The following DST variants were observed in gnomAD, a reference collection of about 807,000 sequenced individuals.
DST encodes bullous pemphigoid antigen.
Under a neutral mutation model 875.2 loss-of-function variants are expected in DST, and 253 were observed. The ratio of observed to expected loss-of-function variants is 0.29; its 90% CI spans 0.26 to 0.32. DST has a LOEUF of 0.32. Among genes scored for constraint, DST ranks in the 10% least tolerant of loss-of-function variants. The pLI is 1.00. For missense variants in DST, 8,287 were observed against 9,111.6 expected, an observed-to-expected ratio of 0.91 and a Z score of 3.68; for synonymous variants, 3,124 against 3,197.1, an observed-to-expected ratio of 0.98 and a Z score of 0.77.
At chr6:56,715,149 C>G (rs912386080) in intron 5 of DST, among the ~76,000 whole-genome samples, 1 of 152,136 alleles carries the variant, frequency 6.6e-6, no homozygotes, top group East Asian at 1.9e-4. Flanking sequence ...CTCTTGAATG[C>G]CTGCCGGATC....
chr6:56,821,776 G>C (rs2153047635), intron 4 of DST, among the ~76,000 whole-genome samples: 1 of 152,266 alleles, frequency 6.6e-6, no homozygotes, highest in East Asian at 1.9e-4. Context: ...GGAAAATATA[G>C]AAATCTGACC....
At chr6:56,807,715 A>G (rs1406723960) in intron 4 of DST, among the ~76,000 whole-genome samples, 1 of 152,228 alleles carries the variant, frequency 6.6e-6, no homozygotes, top group Non-Finnish European at 1.5e-5. Flanking sequence ...AGCATCATAC[A>G]CAAAAGTTAA....
In DST at chr6:56,561,535, T is replaced by C; in HGVS notation, c.14083A>G (p.Lys4695Glu). 6.2e-7 allele frequency: 1 copy of C among 1,612,852 alleles called. No individual in the cohort carries two copies. The highest frequency in any genetic ancestry group is 8.5e-7 in the Non-Finnish European group (1 of 1,179,314). Residue 4695 changes from lysine to glutamate, a missense_variant, in exon 57 of 104, where the codon AAA becomes GAA. Lys to Glu is a moderately conservative substitution (Grantham distance 56). This residue lies in a region of DST where 1,513 missense variants were observed against 1,677.8 expected (regional missense o/e 0.90). Transcript: ENST00000680361. Reference sequence around the variant, plus strand: ...TGACTTATGTCAGTCATGTCCTTTTTAATGGATGTTAAACCTAGGAGTAAG... The same window carrying C: ...TGACTTATGTCAGTCATGTCCTTTTCAATGGATGTTAAACCTAGGAGTAAG... ...FWANKGLTSIKKDMTDISHGY... is the reference protein window; with the variant it reads ...FWANKGLTSIEKDMTDISHGY...
intron 4 of DST, among the ~76,000 whole-genome samples, chr6:56,769,429 A>G (rs572021623): frequency 2.5e-4 from 38 of 152,340 alleles, no homozygotes; most frequent in African/African-American, 6.5e-4. Context: ...TTACACTTCA[A>G]GGCATTAACC....
chr6:56,632,755 T>G (rs1587259231), intron 28 of DST, 99 bp downstream of exon 28: 5 of 928,178 alleles, frequency 5.4e-6, no homozygotes. Flanking sequence ...ATAGGCTGGG[T>G]GATACAATAT....
rs555704557 is a variant in DST at position 56,554,073 on chromosome 6, C to CTTTTT, written c.15137-423_15137-419dup. On this transcript the variant is annotated intron_variant, in intron 60 of 103. Coordinates refer to ENST00000680361, the MANE Select transcript of DST (RefSeq NM_001374736.1). ...AAATATGACTTTTTCGCGTCTATGA[C>CTTTTT]TTTTTTTTTTTTTTTTTTTTTTTTT... Among the ~76,000 whole-genome samples, 26 of 80,822 alleles carry CTTTTT rather than the reference C, an allele frequency of 3.2e-4. 3 individuals carry two copies. Among genetic ancestry groups the CTTTTT allele is most frequent in the Non-Finnish European group, 4.8e-4 (20 of 41,420 alleles). The allele number at this position is 80,822 out of a possible 152,430, so 53.0% of individuals were successfully genotyped here. A position where few individuals can be genotyped will look rare whatever the true frequency, so the allele number is the denominator to read the frequency against.
intron 37 of DST, among the ~76,000 whole-genome samples, chr6:56,612,904 T>C (rs976040566): frequency 1.3e-5 from 2 of 152,054 alleles, no homozygotes; most frequent in African/African-American, 4.8e-5. Context: ...GTGGCATGTG[T>C]CTGCAGTCCA....
chr6:56,768,428 C>A (rs2099639968), intron 4 of DST, among the ~76,000 whole-genome samples: 1 of 152,100 alleles, frequency 6.6e-6, no homozygotes. Context: ...AAAGAAAAAG[C>A]AATTCAACAG....
intron 9 of DST, among the ~76,000 whole-genome samples, chr6:56,671,708 C>G (rs1350562978): frequency 6.6e-6 from 1 of 152,168 alleles, no homozygotes; most frequent in Non-Finnish European, 1.5e-5. Context: ...ACACCACCAA[C>G]AACTGTTCCC....
chr6:56,903,620 C>T (rs150666053), intron 2 of DST, among the ~76,000 whole-genome samples: 2,884 of 152,108 alleles, frequency 0.019, 93 homozygotes, highest in African/African-American at 0.065. Flanking sequence ...CCACCATGCC[C>T]GGCTAATTTT....
chr6:56,892,732 T>C (rs1042645614), intron 3 of DST, among the ~76,000 whole-genome samples: 6 of 152,258 alleles, frequency 3.9e-5, no homozygotes, highest in Non-Finnish European at 7.3e-5. Context: ...TCTGAATTCC[T>C]ATAATGCTTA....
intron 4 of DST, chr6:56,843,151 A>G: frequency 3.2e-6 from 5 of 1,561,940 alleles, no homozygotes; most frequent in South Asian, 1.2e-5. Context: ...GCCATGCCGA[A>G]GTTTATCTAA....
intron 77 of DST, among the ~76,000 whole-genome samples, chr6:56,505,208 C>G (rs1375964371): frequency 3.3e-5 from 5 of 152,158 alleles, no homozygotes; most frequent in Non-Finnish European, 7.4e-5. Flanking sequence ...ATAAATCAAT[C>G]TGCCCTTTGC....
Position 56,615,089 on chromosome 6 carries a change from G to A in DST, c.4930-605C>T, listed in dbSNP as rs1024638279. 5.9e-6 allele frequency: 6 copies of A among 1,024,776 alleles called. No homozygotes were observed. The Admixed American group carries it at 3.1e-4, about 52-fold the overall frequency. The allele number at this position is 1,024,776 out of a possible 1,614,324, so 63.5% of individuals were successfully genotyped here. ...TAAAACACTGCAGCTTGAAGGCTGT[G>A]GGAACGAATTTATATCTTTCTCTTT... On this transcript the variant is annotated intron_variant, in intron 36 of 103. Transcript: ENST00000680361.
rs2099302036 is a variant in DST at position 56,701,062 on chromosome 6, C to T, written c.954+826G>A. Among the ~76,000 whole-genome samples the T allele has an allele frequency of 2.0e-5, 3 of 148,720 alleles. No homozygotes were observed. The Admixed American group carries it at 2.0e-4, about 10-fold the overall frequency. ...TATTGCAATCATGGCTCAACACATCCTCAATTTCCTGGGCTCAAGTGACCC... is the reference window on the plus strand; with the variant it reads ...TATTGCAATCATGGCTCAACACATCTTCAATTTCCTGGGCTCAAGTGACCC... On this transcript the variant is annotated intron_variant, in intron 8 of 103. Transcript: ENST00000680361.
At chr6:56,486,048 A>G (rs1405747084) in intron 87 of DST, among the ~76,000 whole-genome samples, 1 of 152,154 alleles carries the variant, frequency 6.6e-6, no homozygotes, top group Non-Finnish European at 1.5e-5. Context: ...GGTATGTAAC[A>G]TGCTGTGGCT....
At chr6:56,841,955 T>C (rs970048474) in intron 4 of DST, among the ~76,000 whole-genome samples, 3 of 152,334 alleles carry the variant, frequency 2.0e-5, no homozygotes, top group East Asian at 1.9e-4. Flanking sequence ...GGAATTCTCA[T>C]TGTACTGTTT....
intron 9 of DST, among the ~76,000 whole-genome samples, chr6:56,682,706 C>T (rs2099162699): frequency 6.6e-6 from 1 of 152,214 alleles, no homozygotes; most frequent in Non-Finnish European, 1.5e-5. Context: ...AGTGCTGTCA[C>T]CAGACATATG....
At chr6:56,535,096 G>T (rs750158471) in intron 63 of DST, 26 bp downstream of exon 63, 1 of 1,605,598 alleles carries the variant, frequency 6.2e-7, no homozygotes, top group Non-Finnish European at 8.5e-7. Context: ...AATATGAAAC[G>T]CAATACAAAA....
Sources: allele counts gnomAD v4.1 joint callset (sites outside exome capture counted in the v4.1 genomes callset), GRCh38; gene constraint gnomAD v4.1.1; regional missense constraint gnomAD v4.1.1; transcripts MANE v1.5; gene names NCBI Gene and HGNC (gene_info 2026-07-23, HGNC 2026-07-21).